TDRD12: variants seen among roughly 807,000 people sequenced by gnomAD.
TDRD12 encodes putative ATP-dependent RNA helicase TDRD12.
A neutral mutation model predicts 133.5 loss-of-function variants in TDRD12; 158 were observed. That is an observed-to-expected ratio of 1.18 (90% CI 1.04 to 1.35). The LOEUF is 1.35. Among genes scored for constraint, TDRD12 ranks in the 40% most tolerant of loss-of-function variants. TDRD12 has a pLI of 0.00. For missense variants in TDRD12, 1,443 were observed against 1,321.3 expected (o/e 1.09, Z -1.43); for synonymous variants, 460 against 477.9 (o/e 0.96, Z 0.49).
In TDRD12 at chr19:32,790,565, G is replaced by T. The variant is rs768268292; in HGVS notation, c.1156G>T (p.Ala386Ser). The change falls in exon 12 of 28, where the codon GCT (alanine) becomes TCT (serine). Residue 386 changes from alanine to serine, a missense_variant. Ala to Ser is a moderately conservative substitution (Grantham distance 99, BLOSUM62 1). Transcript: ENST00000444215. The stretch of plus-strand genomic sequence containing the variant: ...GTTTTTAAATCCTGATCCTTTGAGA[G>T]CTGACGGAATCTCTGATCTCCAGCA... 22 of 1,551,938 alleles carry T rather than the reference G, an allele frequency of 1.4e-5. No individual in the cohort carries two copies. Among genetic ancestry groups the T allele is most frequent in the Non-Finnish European group, 1.9e-5 (22 of 1,147,054 alleles).
downstream of TDRD12, among the ~76,000 whole-genome samples, chr19:32,825,798 T>C (rs2145774200): frequency 6.6e-6 from 1 of 152,250 alleles, no homozygotes; most frequent in East Asian, 1.9e-4. This position sits in a 1 kb window ranked among gnomAD's most constrained non-coding sequence, Gnocchi z 4.1. Flanking sequence ...GGAGAATCGC[T>C]TGAACTCGAA....
At position 32,749,871 on chromosome 19, in the gene TDRD12, T is replaced by G; in HGVS notation, c.582+2T>G. ...TATGTAACTATAAAAGATGAAAAAG[T>G]AAGTGAAAGAATTGTATTTTTATAA... is the stretch of plus-strand genomic sequence containing the variant. On this transcript the variant is annotated splice_donor_variant, in intron 6 of 27. Coordinates refer to ENST00000444215, the Ensembl canonical transcript of TDRD12. LOFTEE classifies it high-confidence loss of function. 6.6e-7 allele frequency: 1 copy of G among 1,507,398 alleles called. No individual in the cohort carries two copies. The highest frequency in any genetic ancestry group is 9.0e-7 in the Non-Finnish European group (1 of 1,114,606). The allele number at this position is 1,507,398 out of a possible 1,614,324, so 93.4% of individuals were successfully genotyped here. A position where few individuals can be genotyped will look rare whatever the true frequency, so the allele number is the denominator to read the frequency against.
At chr19:32,743,038 T>G in intron 4 of TDRD12, 138 bp downstream of exon 4, 1 of 1,092,902 alleles carries the variant, frequency 9.1e-7, no homozygotes, top group Non-Finnish European at 1.3e-6. Context: ...TCTGAGTCAG[T>G]GTTTGTCTGA....
chr19:32,775,188 G>T (rs184521631), intron 10 of TDRD12, among the ~76,000 whole-genome samples: 14 of 152,150 alleles, frequency 9.2e-5, no homozygotes, highest in Admixed American at 8.5e-4. Flanking sequence ...TGTCCAAAAA[G>T]TCCCTGAGGC....
intron 21 of TDRD12, among the ~76,000 whole-genome samples, chr19:32,805,142 A>C (rs1428465494): frequency 6.8e-6 from 1 of 147,000 alleles, no homozygotes; most frequent in Admixed American, 7.0e-5. Flanking sequence ...TTTAAAATAT[A>C]TATATGTGTA....
In TDRD12 at chr19:32,753,272, A is replaced by G. The variant is rs566365586; in HGVS notation, c.583-2720A>G. 7.3e-4 allele frequency among the ~76,000 whole-genome samples: 111 copies of G among 152,294 alleles called. 2 individuals carry two copies. Among genetic ancestry groups the G allele is most frequent in the Non-Finnish European group, 2.9e-5 (2 of 68,038 alleles). ...CTTGCTCCCATGCACACACAAATCT[A>G]TATTTCTGTATCCATCTGTACACAT... is the stretch of plus-strand genomic sequence containing the variant. On this transcript the variant is annotated intron_variant, in intron 6 of 27. Coordinates refer to ENST00000444215, the Ensembl canonical transcript of TDRD12.
At chr19:32,725,278 G>A (rs752589531) in intron 1 of TDRD12, among the ~76,000 whole-genome samples, 28 of 151,242 alleles carry the variant, frequency 1.9e-4, no homozygotes, top group Non-Finnish European at 2.4e-4. Flanking sequence ...TCATGAAATC[G>A]TTGCCGTTGC....
chr19:32,778,611 T>C (rs931479526), intron 11 of TDRD12, among the ~76,000 whole-genome samples: 4 of 152,188 alleles, frequency 2.6e-5, no homozygotes, highest in African/African-American at 9.6e-5. Context: ...GCAATTCTCC[T>C]GCCTCAGCCT....
chr19:32,741,328 C>T (rs574406475), intron 3 of TDRD12, among the ~76,000 whole-genome samples: 11 of 152,276 alleles, frequency 7.2e-5, no homozygotes, highest in Admixed American at 2.0e-4. Context: ...GTGATCCACC[C>T]GCCTCGGCTT....
chr19:32,822,042 A>G (rs1967415038), downstream of TDRD12, among the ~76,000 whole-genome samples: 1 of 152,110 alleles, frequency 6.6e-6, no homozygotes. Context: ...GATCAATTGA[A>G]CCCGGGAGGC....
At chr19:32,734,374 CT>C (rs916037388) in intron 2 of TDRD12, among the ~76,000 whole-genome samples, 174 of 142,904 alleles carry the variant, frequency 1.2e-3, no homozygotes, top group Admixed American at 1.1e-3. Context: ...CTTTTCTTTT[CT>C]TTTTTTTTTT....
At chr19:32,820,893 G>A (rs879661664) in intron 27 of TDRD12, 140 bp from the exon 28 acceptor site, 4 of 625,894 alleles carry the variant, frequency 6.4e-6, no homozygotes, top group Non-Finnish European at 1.1e-5. Flanking sequence ...GCTGCCTGGG[G>A]CATCTTAAAT....
chr19:32,821,306 T>C, downstream of TDRD12: 1 of 670,214 alleles, frequency 1.5e-6, no homozygotes, highest in Non-Finnish European at 2.5e-6. Flanking sequence ...GTTTTGTTTT[T>C]GTAGTTTGAG....
chr19:32,746,975 A>G (rs1969666345), intron 4 of TDRD12, among the ~76,000 whole-genome samples: 1 of 130,442 alleles, frequency 7.7e-6, no homozygotes. Flanking sequence ...TGAGGTGGTT[A>G]TTCTGTGAGA....
At chr19:32,728,211 G>T (rs1308590258) in intron 1 of TDRD12, among the ~76,000 whole-genome samples, 1 of 152,022 alleles carries the variant, frequency 6.6e-6, no homozygotes, top group Non-Finnish European at 1.5e-5. Flanking sequence ...CTCCAGCTTT[G>T]TTCTTTTTTG....
At chr19:32,723,258 G>GT (rs916325323) in intron 1 of TDRD12, among the ~76,000 whole-genome samples, 101 of 145,612 alleles carry the variant, frequency 6.9e-4, no homozygotes, top group Non-Finnish European at 8.1e-4. Flanking sequence ...TAACTATTTT[G>GT]TTTTTTTTTT....
At chr19:32,798,620 A>G (rs902230517) in intron 16 of TDRD12, among the ~76,000 whole-genome samples, 185 bp downstream of exon 16, 8 of 152,208 alleles carry the variant, frequency 5.3e-5, no homozygotes, top group African/African-American at 1.9e-4. Context: ...CAGTGTTAGA[A>G]TTCTTTCTGA....
rs141318694 is a variant in TDRD12 at position 32,789,465 on chromosome 19, T to C, written c.1122-1066T>C. Among the ~76,000 whole-genome samples the C allele has an allele frequency of 2.5e-3, 374 of 152,328 alleles. 3 individuals are homozygous for C. The highest frequency in any genetic ancestry group is 0.011 in the South Asian group (53 of 4,828). On this transcript the variant is annotated intron_variant, in intron 11 of 27. Transcript: ENST00000444215. ...CATCCTTTGGTAGCCAGCTGTCTGC[T>C]TTCAGTCTCTATGGGTTTGCCTGTT...
chr19:32,823,592 T>G (rs1172420592), downstream of TDRD12, among the ~76,000 whole-genome samples: 1 of 152,158 alleles, frequency 6.6e-6, no homozygotes, highest in East Asian at 1.9e-4. Flanking sequence ...GGGGACTGAA[T>G]GTAGCTGTTA....
Sources: allele counts gnomAD v4.1 joint callset (sites outside exome capture counted in the v4.1 genomes callset), GRCh38; gene constraint gnomAD v4.1.1; non-coding constraint Gnocchi (gnomAD v3.1); transcripts MANE v1.5; gene names NCBI Gene and HGNC (gene_info 2026-07-23, HGNC 2026-07-21).